Variants in EVC observed in about 807,000 individuals in gnomAD.
EVC encodes the protein EvC ciliary complex subunit 1, also known as evC complex member EVC.
A neutral mutation model predicts 118.9 loss-of-function variants in EVC; 116 were observed. The ratio of observed to expected loss-of-function variants is 0.98; its 90% CI spans 0.84 to 1.14. The LOEUF (loss-of-function observed/expected upper bound fraction) is 1.14. EVC is among the 50% of genes most tolerant of loss of function. EVC has a pLI of 0.00. For missense variants in EVC, 1,401 were observed against 1,246.4 expected (o/e 1.12, Z -1.87); for synonymous variants, 619 against 534.7 (o/e 1.16, Z -2.18).
At chr4:5,807,722 A>C (rs1378028894) in intron 17 of EVC, among the ~76,000 whole-genome samples, 2 of 152,040 alleles carry the variant, frequency 1.3e-5, no homozygotes, top group Admixed American at 1.3e-4. Flanking sequence ...TTTACGAGGG[A>C]GGGGCCGGGG....
chr4:5,800,665 G>A (rs989209382), intron 15 of EVC, among the ~76,000 whole-genome samples: 10 of 152,172 alleles, frequency 6.6e-5, no homozygotes, highest in South Asian at 2.1e-4. Context: ...GGGAGCTCCC[G>A]ACAGGAAGTG....
In EVC at chr4:5,789,002, T is replaced by C. The variant is rs1317321432; in HGVS notation, c.1777-4606T>C. On this transcript the variant is annotated intron_variant, in intron 12 of 20. Transcript: ENST00000264956. This position sits in a 1 kb window ranked among gnomAD's most constrained non-coding sequence, Gnocchi z 4.3. ...AGTCAAAAGATTGGACGTCCCTGTT[T>C]TAAGACATCCTGTATGCCACTAATT... Among the ~76,000 whole-genome samples, 3 of 152,220 alleles carry C rather than the reference T, an allele frequency of 2.0e-5. No homozygotes were observed. Among genetic ancestry groups the C allele is most frequent in the Non-Finnish European group, 4.4e-5 (3 of 68,034 alleles).
chr4:5,749,536 C>G lies in EVC; in HGVS notation c.1098+1230C>G, dbSNP rs1730032002. On this transcript the variant is annotated intron_variant, in intron 8 of 20. Transcript: ENST00000264956. The surrounding 1 kb of genome is among the most constrained non-coding windows in gnomAD (Gnocchi z 4.4). ...TACTTAACCTCTCTGCGCGTCTGTTCCTCTATTTATAAAATAATAGTGCTA... is the reference window on the plus strand; with the variant it reads ...TACTTAACCTCTCTGCGCGTCTGTTGCTCTATTTATAAAATAATAGTGCTA... Among the ~76,000 whole-genome samples the G allele has an allele frequency of 6.6e-6, 1 of 152,054 alleles. No homozygotes were observed. Among genetic ancestry groups the G allele is most frequent in the South Asian group, 2.1e-4 (1 of 4,828 alleles).
In EVC at chr4:5,745,351, A is replaced by G. The variant is rs2286342; in HGVS notation, c.939+10A>G. On this transcript the variant is annotated intron_variant, in intron 7 of 20. Transcript: ENST00000264956. ...ACAGCTAATCGATAATGTGCGTGCC[A>G]GACTTTCTTTCCTGTACACAAATTT... The G allele has an allele frequency of 0.67, 1,074,786 of 1,613,168 alleles. 362,604 individuals carry two copies. Among genetic ancestry groups the G allele is most frequent in the African/African-American group, 0.71 (53,392 of 74,894 alleles).
At chr4:5,775,790 T>C (rs76677617) in intron 11 of EVC, among the ~76,000 whole-genome samples, 1,697 of 152,122 alleles carry the variant, frequency 0.011, 47 homozygotes, top group African/African-American at 0.039. Flanking sequence ...TACCAAAGAG[T>C]GGAAGTATTG....
At chr4:5,758,222 C>T (rs1731479979) in intron 11 of EVC, 1 of 681,624 alleles carries the variant, frequency 1.5e-6, no homozygotes, top group Non-Finnish European at 2.6e-6. Context: ...CTCCCAGAGC[C>T]TTTGGAGGGG....
chr4:5,791,473 A>G (rs1291448258), intron 12 of EVC, among the ~76,000 whole-genome samples: 2 of 152,240 alleles, frequency 1.3e-5, no homozygotes, highest in African/African-American at 4.8e-5. Flanking sequence ...AAGAGTTTAG[A>G]AAACAGCGCA....
chr4:5,794,375 A>G (rs1350712870), intron 13 of EVC, among the ~76,000 whole-genome samples: 1 of 138,706 alleles, frequency 7.2e-6, no homozygotes, highest in Non-Finnish European at 1.6e-5. Context: ...ATATTTATAT[A>G]CATATATATA....
Position 5,748,694 on chromosome 4 carries a change from ATCCACCCG to A in EVC, c.1098+396_1098+403del, listed in dbSNP as rs1214815987. Among the ~76,000 whole-genome samples the A allele has an allele frequency of 1.1e-3, 117 of 104,842 alleles. 8 individuals are homozygous for A. The highest frequency in any genetic ancestry group is 4.3e-3 in the African/African-American group (104 of 24,402). The allele number at this position is 104,842 out of a possible 152,430, so 68.8% of individuals were successfully genotyped here. Reference sequence around the variant, plus strand: ...CATCCATCCATCCACCCACCCATCCATCCACCCGTCCACCCATCCACCCACCCACCCAT... The same window carrying A: ...CATCCATCCATCCACCCACCCATCCATCCACCCATCCACCCACCCACCCAT... On this transcript the variant is annotated intron_variant, in intron 8 of 20. Coordinates refer to ENST00000264956, the MANE Select transcript of EVC (RefSeq NM_153717.3).
chr4:5,821,878 G>GA, the EVC span: 1 of 1,578,554 alleles, frequency 6.3e-7, no homozygotes, highest in African/African-American at 1.3e-5. This position sits in a 1 kb window ranked among gnomAD's most constrained non-coding sequence, Gnocchi z 4.4. Flanking sequence ...ATCGCTGCTG[G>GA]ATGGGATCTG....
At chr4:5,760,947 G>A (rs1403856923) in intron 11 of EVC, among the ~76,000 whole-genome samples, 1 of 152,182 alleles carries the variant, frequency 6.6e-6, no homozygotes, top group African/African-American at 2.4e-5. Context: ...TTAGGTTCCA[G>A]GTCGCCTGGC....
chr4:5,758,468 G>C (rs1158090884), intron 11 of EVC, among the ~76,000 whole-genome samples: 1 of 152,160 alleles, frequency 6.6e-6, no homozygotes, highest in African/African-American at 2.4e-5. Flanking sequence ...TTCCTTCCCA[G>C]ATGAGGAGTG....
rs1196307488 is a variant in EVC at position 5,743,314 on chromosome 4, C to T, written c.801+1500C>T. Among the ~76,000 whole-genome samples, 3 of 152,190 alleles carry T rather than the reference C, an allele frequency of 2.0e-5. No homozygotes were observed. Among genetic ancestry groups the T allele is most frequent in the African/African-American group, 4.8e-5 (2 of 41,444 alleles). On this transcript the variant is annotated intron_variant, in intron 6 of 20. Coordinates refer to ENST00000264956, the MANE Select transcript of EVC (RefSeq NM_153717.3). This position sits in a 1 kb window ranked among gnomAD's most constrained non-coding sequence, Gnocchi z 4.7. Reference sequence around the variant, plus strand: ...AACAAGTCCTGCCAGTCTCCTACCTCACCTTATCCTCACCATCATTGTCAT... The same window carrying T: ...AACAAGTCCTGCCAGTCTCCTACCTTACCTTATCCTCACCATCATTGTCAT...
In EVC at chr4:5,783,693, C is replaced by G. The variant is rs138821019; in HGVS notation, c.1705C>G (p.Leu569Val). 4.3e-6 allele frequency: 7 copies of G among 1,613,898 alleles called. No homozygotes were observed. The highest frequency in any genetic ancestry group is 5.1e-6 in the Non-Finnish European group (6 of 1,179,948). ...AGTCCAGGAGAACGCTGCCTGGCAG[C>G]TGGGGAAGTCAAATCGCTTCCGGAG... ...QEVQENAAWQ[L>V]GKSNRFRRQQ... is the part of the protein sequence containing the mutation. The change falls in exon 12 of 21, where the codon CTG (leucine) becomes GTG (valine). Residue 569 changes from leucine (L) to valine (V), a missense_variant. Leu to Val is a conservative substitution (Grantham distance 32). Coordinates refer to ENST00000264956, the MANE Select transcript of EVC (RefSeq NM_153717.3).
chr4:5,720,391 G>A (rs1383177), intron 2 of EVC, among the ~76,000 whole-genome samples: 45,117 of 151,988 alleles, frequency 0.3, 7,396 homozygotes, highest in African/African-American at 0.44. Context: ...CCTGAGTCCC[G>A]CAGCTGGGGG....
At chr4:5,727,721 C>G (rs1227579949) in intron 2 of EVC, among the ~76,000 whole-genome samples, 1 of 151,878 alleles carries the variant, frequency 6.6e-6, no homozygotes, top group Non-Finnish European at 1.5e-5. Flanking sequence ...ACGTTTAAGT[C>G]TTTAATCCTT....
In EVC at chr4:5,738,102, G is replaced by A. The variant is rs926781445; in HGVS notation, c.703-3614G>A. Among the ~76,000 whole-genome samples the A allele has an allele frequency of 6.6e-6, 1 of 152,164 alleles. No individual in the cohort carries two copies. Among genetic ancestry groups the A allele is most frequent in the Non-Finnish European group, 1.5e-5 (1 of 68,048 alleles). On this transcript the variant is annotated intron_variant, in intron 5 of 20. Transcript: ENST00000264956. The surrounding 1 kb of genome is among the most constrained non-coding windows in gnomAD (Gnocchi z 6.5). ...TTCAATCCTCATGAATGACTTTGAG[G>A]GGATTCAGAACTTCAGTGGAGGAAG...
chr4:5,719,520 A>T lies in EVC; in HGVS notation c.300+147A>T. ...CTGAGGCATAATTTACATACAGTCA[A>T]ATGCGCAGACTTTAGGTTTTACAGT... On this transcript the variant is annotated intron_variant, in intron 2 of 20. Coordinates refer to ENST00000264956, the MANE Select transcript of EVC (RefSeq NM_153717.3). The surrounding 1 kb of genome is among the most constrained non-coding windows in gnomAD (Gnocchi z 4.7). The T allele has an allele frequency of 1.7e-6, 2 of 1,184,006 alleles. No individual in the cohort carries two copies. Among genetic ancestry groups the T allele is most frequent in the Non-Finnish European group, 2.5e-6 (2 of 807,574 alleles). The allele number at this position is 1,184,006 out of a possible 1,614,324, so 73.3% of individuals were successfully genotyped here.
rs1726405271 is a variant in EVC at position 5,729,334 on chromosome 4, A to G, written c.328A>G (p.Ile110Val). Reference sequence around the variant, plus strand: ...ATGTGAGCCGCCTTCCAACAGCAATATCACAGCATTCGCCCTGAAGGCCAA... The same window carrying G: ...ATGTGAGCCGCCTTCCAACAGCAATGTCACAGCATTCGCCCTGAAGGCCAA... ...DECEPPSNSNITAFALKAKVI... is the reference protein window; with the variant it reads ...DECEPPSNSNVTAFALKAKVI... Residue 110 changes from isoleucine to valine, a missense_variant, in exon 3 of 21, where the codon ATC becomes GTC. Physicochemically the swap from Ile to Val is conservative, Grantham distance 29. Coordinates refer to ENST00000264956, the MANE Select transcript of EVC (RefSeq NM_153717.3). 6.2e-7 allele frequency: 1 copy of G among 1,613,994 alleles called. No homozygotes were observed. The highest frequency in any genetic ancestry group is 8.5e-7 in the Non-Finnish European group (1 of 1,180,042).
Sources: allele counts gnomAD v4.1 joint callset (sites outside exome capture counted in the v4.1 genomes callset), GRCh38; gene constraint gnomAD v4.1.1; non-coding constraint Gnocchi (gnomAD v3.1); transcripts MANE v1.5; gene names NCBI Gene and HGNC (gene_info 2026-07-23, HGNC 2026-07-21).